Variants in COPG2 observed in about 807,000 individuals in gnomAD.
COPG2 encodes coat protein complex I subunit gamma 2.
COPG2 carries 37 observed loss-of-function variants against 46.3 expected under a neutral mutation model. The observed-to-expected ratio is 0.80, with a 90% CI of 0.61 to 1.05. COPG2 has a LOEUF of 1.05. Ranked by LOEUF, COPG2 falls within the 50% of genes least tolerant of loss-of-function variation. COPG2 has a pLI of 0.00. For missense variants in COPG2, 427 were observed against 387.8 expected, an observed-to-expected ratio of 1.10 and a Z score of -0.85; for synonymous variants, 159 against 129.7, an observed-to-expected ratio of 1.23 and a Z score of -1.53.
chr7:130,604,711 A>G (rs1554450963), intron 9 of COPG2: 1 of 516,692 alleles, frequency 1.9e-6, no homozygotes, highest in Non-Finnish European at 3.9e-6. Flanking sequence ...TACTATTTAA[A>G]AAATAAAAAT....
intron 9 of COPG2, among the ~76,000 whole-genome samples, chr7:130,587,762 G>T (rs1794304212): frequency 2.0e-5 from 3 of 152,038 alleles, no homozygotes; most frequent in African/African-American, 7.2e-5. Flanking sequence ...AACACCAAAA[G>T]CAATGGCAAC....
intron 10 of COPG2, 42 bp from the exon 11 acceptor site, chr7:130,563,378 A>G: frequency 2.5e-6 from 1 of 396,124 alleles, no homozygotes; most frequent in Non-Finnish European, 4.4e-6. Context: ...ATTAAGTAAT[A>G]TTACATATAC....
chr7:130,597,175 C>A (rs544736797), intron 9 of COPG2, among the ~76,000 whole-genome samples: 60 of 152,314 alleles, frequency 3.9e-4, no homozygotes, highest in Non-Finnish European at 2.6e-4. Flanking sequence ...TCCTTACCAA[C>A]CTTCACACCC....
intron 20 of COPG2, among the ~76,000 whole-genome samples, chr7:130,524,500 A>G (rs893985374): frequency 1.3e-5 from 2 of 152,134 alleles, no homozygotes; most frequent in Admixed American, 1.3e-4. Flanking sequence ...GGTGTTCCCT[A>G]ATGGGCAAGA....
At chr7:130,651,678 G>A (rs1053117052) in intron 5 of COPG2, among the ~76,000 whole-genome samples, 23 of 151,180 alleles carry the variant, frequency 1.5e-4, no homozygotes, top group African/African-American at 2.7e-4. Flanking sequence ...CACCGCGCCC[G>A]GCTAATTTTT....
chr7:130,508,194 T>TAACA (rs782694798), intron 21 of COPG2: 5 of 251,258 alleles, frequency 2.0e-5, no homozygotes, highest in Non-Finnish European at 3.8e-5. Flanking sequence ...GGCTATAAAC[T>TAACA]AACAGCTGCT....
In COPG2 at chr7:130,666,936, A is replaced by G; in HGVS notation, c.91-7T>C. The G allele has an allele frequency of 4.3e-6, 6 of 1,397,566 alleles. No individual in the cohort carries two copies. The highest frequency in any genetic ancestry group is 5.9e-6 in the Non-Finnish European group (6 of 1,009,318). The allele number at this position is 1,397,566 out of a possible 1,614,324, so 86.6% of individuals were successfully genotyped here. ...TTTCATTGAATATACGAGCCTATGAAAAAACATAAAAAACATTGCTACTTT... is the reference window on the plus strand; with the variant it reads ...TTTCATTGAATATACGAGCCTATGAGAAAACATAAAAAACATTGCTACTTT... On this transcript the variant is annotated splice_polypyrimidine_tract_variant and splice_region_variant and intron_variant, in intron 2 of 23. Transcript: ENST00000425248.
chr7:130,552,573 T>C, intron 14 of COPG2, 143 bp from the exon 15 acceptor site: 1 of 392,442 alleles, frequency 2.5e-6, no homozygotes, highest in Non-Finnish European at 4.5e-6. Flanking sequence ...TTGATCTTAT[T>C]TCTTTGATAC....
At chr7:130,652,033 A>T (rs1467440116) in intron 5 of COPG2, among the ~76,000 whole-genome samples, 3 of 152,232 alleles carry the variant, frequency 2.0e-5, no homozygotes, top group African/African-American at 7.2e-5. Context: ...AGACTTATTT[A>T]TATCAGATGT....
chr7:130,658,779 CA>C (rs1554460234), intron 4 of COPG2, among the ~76,000 whole-genome samples: 1 of 151,930 alleles, frequency 6.6e-6, no homozygotes, highest in African/African-American at 2.4e-5. Context: ...CTCCTGGGTT[CA>C]AGTGATTCTC....
intron 3 of COPG2, 59 bp downstream of exon 3, chr7:130,666,790 G>A: frequency 1.3e-6 from 1 of 754,416 alleles, no homozygotes; most frequent in Non-Finnish European, 2.2e-6. Context: ...GTATTTCACT[G>A]AATCTTCAGT....
At chr7:130,665,878 A>G (rs1554461366) in intron 3 of COPG2, among the ~76,000 whole-genome samples, 2 of 152,024 alleles carry the variant, frequency 1.3e-5, no homozygotes, top group Non-Finnish European at 2.9e-5. Context: ...TAATAACAAC[A>G]GCAGCAAGCA....
intron 21 of COPG2, chr7:130,508,324 GAAAA>G: frequency 2.5e-6 from 1 of 395,458 alleles, no homozygotes; most frequent in African/African-American, 2.0e-5. Flanking sequence ...CTATTATAAA[GAAAA>G]AAAAGGGTGA....
intron 20 of COPG2, among the ~76,000 whole-genome samples, chr7:130,519,864 G>A (rs1799711262): frequency 1.3e-5 from 2 of 152,190 alleles, no homozygotes; most frequent in Admixed American, 1.3e-4. Flanking sequence ...ACTGTATACA[G>A]AATGAGAAAA....
At chr7:130,543,895 G>A (rs1208853273) in intron 20 of COPG2, among the ~76,000 whole-genome samples, 3 of 152,190 alleles carry the variant, frequency 2.0e-5, no homozygotes, top group South Asian at 4.2e-4. Flanking sequence ...AGGAAATGAG[G>A]GAAATTTCAG....
In COPG2 at chr7:130,570,248, A is replaced by G. The variant is rs1053775840; in HGVS notation, c.738-5855T>C. On this transcript the variant is annotated intron_variant, in intron 9 of 23. Transcript: ENST00000425248. ...GAAATAAAGGACATCCAAATTGGTA[A>G]AGAGGAAGTTAAACTGTTGCTGTTC... Among the ~76,000 whole-genome samples, 967 of 152,278 alleles carry G rather than the reference A, an allele frequency of 6.4e-3. 8 individuals are homozygous for G. Among genetic ancestry groups the G allele is most frequent in the African/African-American group, 0.022 (915 of 41,550 alleles).
intron 16 of COPG2, among the ~76,000 whole-genome samples, chr7:130,550,925 G>A (rs1353575591): frequency 1.3e-5 from 2 of 152,072 alleles, no homozygotes; most frequent in African/African-American, 4.8e-5. Context: ...TAGCTATATG[G>A]GAACAATGAT....
At chr7:130,541,305 G>A (rs1050154987) in intron 20 of COPG2, among the ~76,000 whole-genome samples, 1 of 152,126 alleles carries the variant, frequency 6.6e-6, no homozygotes, top group Non-Finnish European at 1.5e-5. Context: ...TGGGCTGTGC[G>A]GGTGAGAGCA....
intron 5 of COPG2, among the ~76,000 whole-genome samples, chr7:130,636,529 T>C (rs369068336): frequency 1.0e-3 from 149 of 142,760 alleles, no homozygotes; most frequent in African/African-American, 3.5e-3. Flanking sequence ...GAGACTAGGA[T>C]TGCAACCGGT....
Sources: gnomAD v4.1 joint callset for allele counts (sites outside exome capture counted in the v4.1 genomes callset) on GRCh38, gnomAD v4.1.1 for gene constraint, MANE v1.5 for transcripts, NCBI Gene and HGNC (gene_info 2026-07-23, HGNC 2026-07-21) for gene names.